Variants in DPYSL3 observed in about 807,000 individuals in gnomAD.
The protein encoded by DPYSL3 is dihydropyrimidinase-related protein 3.
Under a neutral mutation model 66.1 loss-of-function variants are expected in DPYSL3, and 16 were observed. The ratio of observed to expected loss-of-function variants is 0.24; its 90% CI spans 0.16 to 0.37. DPYSL3 has a LOEUF of 0.37. DPYSL3 is among the 10% of genes least tolerant of loss of function. DPYSL3 has a pLI of 1.00. For synonymous variants in DPYSL3, 338 were observed against 345.1 expected (o/e 0.98, Z 0.23); for missense variants, 738 against 916.2 (o/e 0.81, Z 2.51).
chr5:147,421,234 A>C (rs1161034372), intron 2 of DPYSL3, among the ~76,000 whole-genome samples: 1 of 152,182 alleles, frequency 6.6e-6, no homozygotes, highest in South Asian at 2.1e-4. Context: ...ACAAATAGAG[A>C]GCCAAATCAT....
At chr5:147,412,925 A>G (rs1054963528) in intron 5 of DPYSL3, among the ~76,000 whole-genome samples, 7 of 152,170 alleles carry the variant, frequency 4.6e-5, no homozygotes, top group Non-Finnish European at 7.3e-5. Flanking sequence ...GAGCAAATAT[A>G]TAATAAAGTA....
chr5:147,456,303 T>A (rs1309333971), intron 1 of DPYSL3, among the ~76,000 whole-genome samples: 1 of 152,172 alleles, frequency 6.6e-6, no homozygotes, highest in Admixed American at 6.5e-5. Flanking sequence ...GTAGAATGAC[T>A]CTGAATGGTT....
chr5:147,419,739 A>G (rs751756386), intron 2 of DPYSL3, among the ~76,000 whole-genome samples: 11 of 152,156 alleles, frequency 7.2e-5, no homozygotes, highest in African/African-American at 2.7e-4. Context: ...AAGTTCTGCG[A>G]CTAAAATAAA....
Position 147,414,940 on chromosome 5 carries a change from T to C in DPYSL3, c.820+769A>G, listed in dbSNP as rs1026865729. On this transcript the variant is annotated intron_variant, in intron 4 of 13. Coordinates refer to ENST00000343218, the MANE Select transcript of DPYSL3 (RefSeq NM_001197294.2). ...GCCTGTTTTCTTTTGCCTTGGGTGT[T>C]CAGCAAAGGCCATTACTTACACTTC... Among the ~76,000 whole-genome samples, 23 of 152,260 alleles carry C rather than the reference T, an allele frequency of 1.5e-4. 1 individual carries two copies. Among genetic ancestry groups the C allele is most frequent in the African/African-American group, 5.5e-4 (23 of 41,552 alleles).
chr5:147,407,532 C>T (rs1413689069), intron 7 of DPYSL3, among the ~76,000 whole-genome samples: 1 of 152,198 alleles, frequency 6.6e-6, no homozygotes, highest in Non-Finnish European at 1.5e-5. Flanking sequence ...CTGGTCTCTT[C>T]ACGATGAGTA....
intron 1 of DPYSL3, among the ~76,000 whole-genome samples, chr5:147,447,672 A>G (rs771895420): frequency 1.1e-4 from 16 of 152,132 alleles, no homozygotes; most frequent in Non-Finnish European, 2.2e-4. Flanking sequence ...GGAGTTCGAG[A>G]CCAGCCTGAC....
At chr5:147,403,431 C>G (rs982726005) in intron 8 of DPYSL3, among the ~76,000 whole-genome samples, 1 of 152,010 alleles carries the variant, frequency 6.6e-6, no homozygotes, top group Non-Finnish European at 1.5e-5. Context: ...GTAATTACAC[C>G]TAGATTTGAA....
At chr5:147,440,148 A>G (rs1752505883) in intron 1 of DPYSL3, among the ~76,000 whole-genome samples, 2 of 152,008 alleles carry the variant, frequency 1.3e-5, no homozygotes, top group African/African-American at 4.8e-5. Context: ...TAAAAATACA[A>G]AAAAATTAGC....
At chr5:147,503,063 C>T (rs1753638025) in intron 1 of DPYSL3, among the ~76,000 whole-genome samples, 1 of 152,066 alleles carries the variant, frequency 6.6e-6, no homozygotes, top group South Asian at 2.1e-4. Flanking sequence ...AACTGTCTCT[C>T]AAAAATTGTT....
intron 1 of DPYSL3, among the ~76,000 whole-genome samples, chr5:147,490,043 T>C (rs1248058084): frequency 6.6e-6 from 1 of 152,188 alleles, no homozygotes; most frequent in East Asian, 1.9e-4. Context: ...ATCCCACTTA[T>C]ATGGCTCTTA....
chr5:147,438,960 C>A lies in DPYSL3; in HGVS notation c.382-13997G>T, dbSNP rs139076812. On this transcript the variant is annotated intron_variant, in intron 1 of 13. Coordinates refer to ENST00000343218, the MANE Select transcript of DPYSL3 (RefSeq NM_001197294.2). Reference sequence around the variant, plus strand: ...TAGACTGAGCTAGGTTTTGGTGATACAGTGGGGTATGACACAGAGTCCCTA... The same window carrying A: ...TAGACTGAGCTAGGTTTTGGTGATAAAGTGGGGTATGACACAGAGTCCCTA... 4.6e-5 allele frequency among the ~76,000 whole-genome samples: 7 copies of A among 152,284 alleles called. No individual in the cohort carries two copies. The South Asian group carries it at 1.0e-3, about 23-fold the overall frequency.
At chr5:147,423,794 C>G (rs548507169) in intron 2 of DPYSL3, among the ~76,000 whole-genome samples, 1 of 152,166 alleles carries the variant, frequency 6.6e-6, no homozygotes, top group African/African-American at 2.4e-5. Context: ...CATCTTGGCT[C>G]ACTGCAACCT....
intron 1 of DPYSL3, among the ~76,000 whole-genome samples, chr5:147,495,661 G>T (rs1192831912): frequency 2.0e-5 from 3 of 152,138 alleles, no homozygotes; most frequent in African/African-American, 7.2e-5. Flanking sequence ...GCTTCAAAGA[G>T]AATAAAATAC....
intron 1 of DPYSL3, among the ~76,000 whole-genome samples, chr5:147,481,824 AG>A (rs1303829550): frequency 6.6e-6 from 1 of 152,194 alleles, no homozygotes; most frequent in Non-Finnish European, 1.5e-5. Flanking sequence ...TAGACATTCC[AG>A]GTTCCAGAAT....
intron 1 of DPYSL3, among the ~76,000 whole-genome samples, chr5:147,474,926 G>A (rs1753135726): frequency 6.6e-6 from 1 of 151,836 alleles, no homozygotes; most frequent in Admixed American, 6.6e-5. Flanking sequence ...TTTGGAATCT[G>A]GATTTTCATA....
chr5:147,491,520 T>C (rs1003300657), intron 1 of DPYSL3, among the ~76,000 whole-genome samples: 3 of 152,052 alleles, frequency 2.0e-5, no homozygotes, highest in Non-Finnish European at 4.4e-5. Flanking sequence ...ATGAATAACA[T>C]GCTAAGGGCT....
chr5:147,417,358 ATCAGCAGGCAGCTGCTGAGAAG>A (rs990634319), intron 3 of DPYSL3, among the ~76,000 whole-genome samples: 3 of 152,290 alleles, frequency 2.0e-5, no homozygotes, highest in African/African-American at 4.8e-5. Flanking sequence ...CAGGACTTTC[ATCAGCAGGCAGCTGCTGAGAAG>A]TCAGCAGGCT....
chr5:147,509,379 C>G lies in DPYSL3; in HGVS notation c.381+99G>C. On this transcript the variant is annotated intron_variant, in intron 1 of 13. Transcript: ENST00000343218. This position sits in a 1 kb window ranked among gnomAD's most constrained non-coding sequence, Gnocchi z 5.3. Reference sequence around the variant, plus strand: ...TTTCCTCCTCCTTGTCCCCCAGCCCCGTGCAAAGTGAGCTGGAGAAAGTTG... The same window carrying G: ...TTTCCTCCTCCTTGTCCCCCAGCCCGGTGCAAAGTGAGCTGGAGAAAGTTG... The G allele has an allele frequency of 7.2e-7, 1 of 1,392,216 alleles. No individual in the cohort carries two copies. Among genetic ancestry groups the G allele is most frequent in the Non-Finnish European group, 9.4e-7 (1 of 1,058,826 alleles). 86.2% of individuals were successfully genotyped at this position (1,392,216 alleles called of 1,614,324 possible).
At position 147,393,910 on chromosome 5, in the gene DPYSL3, T is replaced by G; in HGVS notation, c.*125A>C. On this transcript the variant is annotated 3_prime_UTR_variant, in exon 14 of 14. Coordinates refer to ENST00000343218, the MANE Select transcript of DPYSL3 (RefSeq NM_001197294.2). ...CGTAACATTGGAGAAACATAAGGCT[T>G]GAGGCTTATTGATTCTTTAGATCAC... 1.4e-4 allele frequency: 129 copies of G among 936,886 alleles called. No homozygotes were observed. The highest frequency in any genetic ancestry group is 1.9e-4 in the Non-Finnish European group (117 of 606,692). The allele number at this position is 936,886 out of a possible 1,614,324, so 58.0% of individuals were successfully genotyped here. A position where few individuals can be genotyped will look rare whatever the true frequency, so the allele number is the denominator to read the frequency against.
Sources: gnomAD v4.1 joint callset for allele counts (sites outside exome capture counted in the v4.1 genomes callset) on GRCh38, gnomAD v4.1.1 for gene constraint, Gnocchi (gnomAD v3.1) non-coding constraint, MANE v1.5 for transcripts, NCBI Gene and HGNC (gene_info 2026-07-23, HGNC 2026-07-21) for gene names.